The following CSMD2 variants were observed in gnomAD, a reference collection of about 807,000 sequenced individuals.
CSMD2 encodes the protein CUB and sushi domain-containing protein 2.
CSMD2 carries 130 observed loss-of-function variants against 398.5 expected under a neutral mutation model. The ratio of observed to expected loss-of-function variants is 0.33; its 90% CI spans 0.28 to 0.38. The LOEUF (loss-of-function observed/expected upper bound fraction) is 0.38. CSMD2 is among the 10% of genes least tolerant of loss of function. The pLI, the probability that CSMD2 is intolerant of heterozygous loss-of-function variation, is 1.00. For synonymous variants in CSMD2, 1,828 were observed against 1,908.5 expected (o/e 0.96, Z 1.10); for missense variants, 3,829 against 4,764.9 (o/e 0.80, Z 5.78).
At position 33,542,822 on chromosome 1, in the gene CSMD2, A is replaced by G; in HGVS notation, c.9175T>C (p.Ser3059Pro). Residue 3059 changes from serine (S) to proline (P), a missense_variant, in exon 58 of 71, where the codon TCT (serine) becomes CCT (proline). Physicochemically the swap from Ser to Pro is moderately conservative, Grantham distance 74. Coordinates refer to ENST00000373381, the MANE Select transcript of CSMD2 (RefSeq NM_001281956.2). ...CCTTCCCGGCACTCATAGACGATAG[A>G]GCTGGAGAAAACCAGGCCATCACTG... ...VFSDGLVFSS[S>P]IVYECREGYY... is the part of the protein sequence containing the mutation. 1 of 1,614,204 alleles carries G rather than the reference A, an allele frequency of 6.2e-7. No individual in the cohort carries two copies. Among genetic ancestry groups the G allele is most frequent in the Non-Finnish European group, 8.5e-7 (1 of 1,180,038 alleles).
At chr1:33,790,699 C>G (rs545354415) in intron 11 of CSMD2, among the ~76,000 whole-genome samples, 130 of 143,424 alleles carry the variant, frequency 9.1e-4, no homozygotes, top group African/African-American at 3.7e-3. Flanking sequence ...ATCTATCTAT[C>G]TATCATCTAT....
intron 1 of CSMD2, among the ~76,000 whole-genome samples, chr1:34,156,311 GAAAGGGTTGGGGTCAGGC>G (rs1184986446): frequency 6.6e-6 from 1 of 152,218 alleles, no homozygotes; most frequent in Non-Finnish European, 1.5e-5. Flanking sequence ...CTGGGGTAGG[GAAAGGGTTGGGGTCAGGC>G]AGCAACCTGA....
chr1:33,857,320 C>T lies in CSMD2; in HGVS notation c.921-10324G>A, dbSNP rs898048250. 2.0e-5 allele frequency among the ~76,000 whole-genome samples: 3 copies of T among 152,148 alleles called. No individual in the cohort carries two copies. In the South Asian group the frequency reaches 6.2e-4, roughly 32 times the overall value. ...CCTCTCTTCTTGTATTGCTTGCTGC[C>T]GTCCACCTGGATTAATGCCTTATAC... On this transcript the variant is annotated intron_variant, in intron 5 of 70. Transcript: ENST00000373381.
chr1:33,864,465 G>A (rs865789480), intron 5 of CSMD2: 1 of 1,613,692 alleles, frequency 6.2e-7, no homozygotes, highest in African/African-American at 1.3e-5. Context: ...GGATCCCCAG[G>A]AACCCAGACG....
chr1:33,546,211 C>T lies in CSMD2; in HGVS notation c.8926G>A (p.Val2976Met), dbSNP rs760039608. ...GSLPHCSGTS[V>M]GVCGDPGIPA... ...ATCCCAGGGTCACCGCAAACTCCCA[C>T]GCTGGTTCCTATGGACCAGAACCAC... Residue 2976 changes from valine (V) to methionine (M), a missense_variant, in exon 57 of 71, where the codon GTG becomes ATG. Physicochemically the swap from Val to Met is conservative, Grantham distance 21. This residue lies in a region of CSMD2 where 917 missense variants were observed against 1,199.5 expected (regional missense o/e 0.76). Transcript: ENST00000373381. 23 of 1,613,188 alleles carry T rather than the reference C, an allele frequency of 1.4e-5. No individual in the cohort carries two copies. The East Asian group carries it at 1.8e-4, about 13-fold the overall frequency.
chr1:34,033,671 T>C (rs984779065), intron 2 of CSMD2, among the ~76,000 whole-genome samples: 4 of 152,196 alleles, frequency 2.6e-5, no homozygotes, highest in Non-Finnish European at 4.4e-5. Flanking sequence ...CAGGTAGGAA[T>C]CTAGGAGGAA....
intron 38 of CSMD2, among the ~76,000 whole-genome samples, chr1:33,617,280 C>T (rs1336352186): frequency 6.6e-6 from 1 of 152,192 alleles, no homozygotes; most frequent in Non-Finnish European, 1.5e-5. Context: ...CGAATCAAAC[C>T]CAACTTTGCA....
intron 44 of CSMD2, chr1:33,591,791 AT>A (rs769180667): frequency 3.8e-3 from 542 of 141,404 alleles, no homozygotes; most frequent in Middle Eastern, 7.2e-3. Flanking sequence ...CACCCAGCTA[AT>A]TTTTTTTTTT....
In CSMD2 at chr1:34,089,332, G is replaced by A. The variant is rs117168291; in HGVS notation, c.188-139C>T. The A allele has an allele frequency of 2.1e-4, 163 of 771,122 alleles. No homozygotes were observed. The East Asian group carries it at 3.9e-3, about 18-fold the overall frequency. 47.8% of individuals were successfully genotyped at this position (771,122 alleles called of 1,614,324 possible). A position where few individuals can be genotyped will look rare whatever the true frequency, so the allele number is the denominator to read the frequency against. On this transcript the variant is annotated intron_variant, in intron 1 of 70. Coordinates refer to ENST00000373381, the MANE Select transcript of CSMD2 (RefSeq NM_001281956.2). The stretch of plus-strand genomic sequence containing the variant: ...ATGAGCCAGCCCTGTACTTGGCACC[G>A]AGGGAGGTACAAAGGGTGACTAACG...
At chr1:34,117,386 T>A (rs1353331365) in intron 1 of CSMD2, among the ~76,000 whole-genome samples, 1 of 151,922 alleles carries the variant, frequency 6.6e-6, no homozygotes, top group Non-Finnish European at 1.5e-5. Context: ...TAGAAACATA[T>A]AACCTACCAA....
intron 3 of CSMD2, among the ~76,000 whole-genome samples, chr1:33,955,447 G>A (rs1266126950): frequency 2.0e-5 from 3 of 152,102 alleles, no homozygotes; most frequent in African/African-American, 7.2e-5. Flanking sequence ...ACACTCAGGA[G>A]TGAGTGCTGT....
At chr1:34,138,491 T>A (rs1447929194) in intron 1 of CSMD2, among the ~76,000 whole-genome samples, 1 of 152,238 alleles carries the variant, frequency 6.6e-6, no homozygotes, top group Non-Finnish European at 1.5e-5. Context: ...TCTACAGGAC[T>A]GTCAAGAGAC....
At chr1:34,129,771 C>T (rs956313945) in intron 1 of CSMD2, among the ~76,000 whole-genome samples, 1 of 152,232 alleles carries the variant, frequency 6.6e-6, no homozygotes, top group African/African-American at 2.4e-5. Context: ...CTGACTGGCT[C>T]AGTGCTCCCT....
In CSMD2 at chr1:34,165,078, C is replaced by G. The variant is rs1178312359; in HGVS notation, c.20G>C (p.Arg7Pro). Residue 7 changes from arginine (R) to proline (P), a missense_variant, in exon 1 of 71, where the codon CGG becomes CCG. Physicochemically the swap from Arg to Pro is moderately radical, Grantham distance 103. Coordinates refer to ENST00000373381, the MANE Select transcript of CSMD2 (RefSeq NM_001281956.2). MPRSRG[R>P]ELGRCGCPAG... ...GGGGCAGCCGCAGCGCCCCAGCTCCCGTCCCCGCGAGCGCGGCATGGCGCG... is the reference window on the plus strand; with the variant it reads ...GGGGCAGCCGCAGCGCCCCAGCTCCGGTCCCCGCGAGCGCGGCATGGCGCG... The G allele has an allele frequency of 3.3e-6, 4 of 1,214,758 alleles. No homozygotes were observed. The highest frequency in any genetic ancestry group is 4.1e-5 in the South Asian group (1 of 24,216). 75.2% of individuals were successfully genotyped at this position (1,214,758 alleles called of 1,614,324 possible).
chr1:33,916,790 C>T (rs1643744173), intron 5 of CSMD2, among the ~76,000 whole-genome samples: 1 of 152,156 alleles, frequency 6.6e-6, no homozygotes, highest in African/African-American at 2.4e-5. Flanking sequence ...CACTTGGCTC[C>T]TACCATGGGT....
In CSMD2 at chr1:33,768,532, G is replaced by A. The variant is rs537533944; in HGVS notation, c.1846+4037C>T. Among the ~76,000 whole-genome samples, 27 of 119,744 alleles carry A rather than the reference G, an allele frequency of 2.3e-4. No homozygotes were observed. The South Asian group carries it at 4.8e-3, about 21-fold the overall frequency. The allele number at this position is 119,744 out of a possible 152,430, so 78.6% of individuals were successfully genotyped here. A position where few individuals can be genotyped will look rare whatever the true frequency, so the allele number is the denominator to read the frequency against. On this transcript the variant is annotated intron_variant, in intron 13 of 70. Coordinates refer to ENST00000373381, the MANE Select transcript of CSMD2 (RefSeq NM_001281956.2). ...ACCCAATTCATCCCGGAATGTGTGC[G>A]TGCATGTGTGTGTGTGTGTGTGTGT...
At chr1:34,060,922 G>GCC (rs946805220) in intron 2 of CSMD2, among the ~76,000 whole-genome samples, 27 of 151,968 alleles carry the variant, frequency 1.8e-4, no homozygotes, top group African/African-American at 5.8e-4. Context: ...ATGCACAAAG[G>GCC]CCCCACCCAC....
chr1:33,548,103 T>C lies in CSMD2; in HGVS notation c.8918-1884A>G, dbSNP rs556468931. Among the ~76,000 whole-genome samples the C allele has an allele frequency of 2.6e-5, 4 of 152,310 alleles. No homozygotes were observed. In the East Asian group the frequency reaches 5.8e-4, roughly 22 times the overall value. ...GTGCCTGCTTCCCCTTCTGCCATGA[T>C]TGTAAGTTTCCTGAGACCTTCCCAG... On this transcript the variant is annotated intron_variant, in intron 56 of 70. Coordinates refer to ENST00000373381, the MANE Select transcript of CSMD2 (RefSeq NM_001281956.2).
intron 46 of CSMD2, among the ~76,000 whole-genome samples, chr1:33,585,166 G>A (rs1186692044): frequency 6.6e-6 from 1 of 152,212 alleles, no homozygotes; most frequent in Non-Finnish European, 1.5e-5. Flanking sequence ...TCTTATCACT[G>A]CACACGGAGA....
Sources: allele counts gnomAD v4.1 joint callset (sites outside exome capture counted in the v4.1 genomes callset), GRCh38; gene constraint gnomAD v4.1.1; regional missense constraint gnomAD v4.1.1; transcripts MANE v1.5; gene names NCBI Gene and HGNC (gene_info 2026-07-23, HGNC 2026-07-21).